LRRK2: variants seen among roughly 807,000 people sequenced by gnomAD.
The protein encoded by LRRK2 is leucine-rich repeat serine/threonine-protein kinase 2.
A neutral mutation model predicts 302.6 loss-of-function variants in LRRK2; 203 were observed. The observed-to-expected ratio is 0.67, with a 90% CI of 0.60 to 0.75. The LOEUF (loss-of-function observed/expected upper bound fraction) is 0.75, where lower values mean the gene tolerates loss of function less well. LRRK2 is among the 30% of genes least tolerant of loss of function. The pLI, the probability that LRRK2 is intolerant of heterozygous loss-of-function variation, is 0.00. For missense variants in LRRK2, 2,830 were observed against 2,951.0 expected, an observed-to-expected ratio of 0.96 and a Z score of 0.95; for synonymous variants, 1,066 against 1,031.9, an observed-to-expected ratio of 1.03 and a Z score of -0.63.
chr12:40,235,104 A>C lies in LRRK2; in HGVS notation c.348-522A>C, dbSNP rs572713956. ...ATGATTTGACATGTGTACATTGTGAATTATTCACCACAATCAAGCTAATTA... is the reference window on the plus strand; with the variant it reads ...ATGATTTGACATGTGTACATTGTGACTTATTCACCACAATCAAGCTAATTA... On this transcript the variant is annotated intron_variant, in intron 3 of 50. Coordinates refer to ENST00000298910, the MANE Select transcript of LRRK2 (RefSeq NM_198578.4). Among the ~76,000 whole-genome samples, 3 of 152,266 alleles carry C rather than the reference A, an allele frequency of 2.0e-5. No homozygotes were observed. The South Asian group carries it at 6.2e-4, about 32-fold the overall frequency.
intron 16 of LRRK2, among the ~76,000 whole-genome samples, chr12:40,276,246 G>A (rs941905276): frequency 6.6e-6 from 1 of 152,144 alleles, no homozygotes; most frequent in Non-Finnish European, 1.5e-5. Context: ...CTATAGTAGA[G>A]TTTATGAACT....
chr12:40,366,734 TATAA>T (rs1461493720), intron 49 of LRRK2: 1 of 387,458 alleles, frequency 2.6e-6, no homozygotes, highest in Non-Finnish European at 4.8e-6. Context: ...AAGGGTAATG[TATAA>T]ATACTGAGCC....
intron 7 of LRRK2, among the ~76,000 whole-genome samples, chr12:40,244,459 TA>T (rs1941882291): frequency 6.6e-6 from 1 of 152,132 alleles, no homozygotes; most frequent in Non-Finnish European, 1.5e-5. Context: ...CTATCTGTGT[TA>T]AAACAGATAA....
intron 39 of LRRK2, among the ~76,000 whole-genome samples, chr12:40,333,812 G>A (rs944775393): frequency 6.6e-6 from 1 of 152,088 alleles, no homozygotes; most frequent in African/African-American, 2.4e-5. Flanking sequence ...TGTGAAGGGT[G>A]GAGGGATTTC....
chr12:40,265,017 GA>G (rs1461359552), intron 14 of LRRK2, among the ~76,000 whole-genome samples: 3 of 152,226 alleles, frequency 2.0e-5, no homozygotes, highest in East Asian at 3.9e-4. Context: ...ATACTTTGAT[GA>G]ATGTCATAAA....
intron 46 of LRRK2, among the ~76,000 whole-genome samples, chr12:40,357,234 C>A (rs1946568662): frequency 6.6e-6 from 1 of 152,176 alleles, no homozygotes. Flanking sequence ...ATAATGACCT[C>A]CAGTTCCATC....
At chr12:40,269,537 T>C (rs1011624668) in intron 14 of LRRK2, among the ~76,000 whole-genome samples, 4 of 152,176 alleles carry the variant, frequency 2.6e-5, no homozygotes, top group Admixed American at 6.5e-5. Context: ...ATATGTAGCA[T>C]GAGCAATAAT....
intron 41 of LRRK2, among the ~76,000 whole-genome samples, chr12:40,342,979 G>A (rs1161659305): frequency 6.6e-6 from 1 of 152,014 alleles, no homozygotes; most frequent in Non-Finnish European, 1.5e-5. Flanking sequence ...TGACATATGT[G>A]CTATTATTAT....
chr12:40,236,870 C>T (rs972410351), intron 4 of LRRK2, among the ~76,000 whole-genome samples: 1 of 150,954 alleles, frequency 6.6e-6, no homozygotes, highest in Non-Finnish European at 1.5e-5. Flanking sequence ...TTTTTTTTGA[C>T]GGAGATTCAT....
chr12:40,240,222 G>A (rs1465868114), intron 5 of LRRK2, among the ~76,000 whole-genome samples: 1 of 152,092 alleles, frequency 6.6e-6, no homozygotes, highest in Admixed American at 6.5e-5. Flanking sequence ...GTTTTTCTGA[G>A]AACTGCTTGC....
At chr12:40,285,571 G>T (rs1194482369) in intron 19 of LRRK2, among the ~76,000 whole-genome samples, 1 of 151,862 alleles carries the variant, frequency 6.6e-6, no homozygotes, top group Non-Finnish European at 1.5e-5. Flanking sequence ...ACCTCACAAT[G>T]TACTGTTAGG....
At chr12:40,355,138 A>G (rs763552621) in intron 45 of LRRK2, among the ~76,000 whole-genome samples, 10 of 152,220 alleles carry the variant, frequency 6.6e-5, no homozygotes, top group Non-Finnish European at 1.0e-4. Context: ...ATTGGAAAAA[A>G]AGTACTAGAA....
At chr12:40,245,646 A>T (rs1296799603) in intron 7 of LRRK2, among the ~76,000 whole-genome samples, 1 of 152,124 alleles carries the variant, frequency 6.6e-6, no homozygotes, top group East Asian at 1.9e-4. Flanking sequence ...AGAAGAACTG[A>T]CATCTTTACA....
In LRRK2 at chr12:40,346,673, A is replaced by C. The variant is rs1946198222; in HGVS notation, c.6110-80A>C. ...TCTCTTCCTGACTCTCTTATTTGGC[A>C]TATAGCCTAAGTGTATGCCTCCTTG... On this transcript the variant is annotated intron_variant, in intron 41 of 50. Transcript: ENST00000298910. 4.6e-6 allele frequency: 6 copies of C among 1,311,010 alleles called. 1 individual carries two copies. Among genetic ancestry groups the C allele is most frequent in the South Asian group, 1.2e-5 (1 of 81,304 alleles). 81.2% of individuals were successfully genotyped at this position (1,311,010 alleles called of 1,614,324 possible). A position where few individuals can be genotyped will look rare whatever the true frequency, so the allele number is the denominator to read the frequency against.
intron 12 of LRRK2, among the ~76,000 whole-genome samples, chr12:40,257,598 C>G (rs1239507260): frequency 6.6e-6 from 1 of 152,110 alleles, no homozygotes; most frequent in Admixed American, 6.6e-5. Flanking sequence ...TGAAGGTTTG[C>G]TTTTGAACCT....
At chr12:40,326,004 G>C (rs17444089) in intron 38 of LRRK2, among the ~76,000 whole-genome samples, 13,341 of 152,094 alleles carry the variant, frequency 0.088, 875 homozygotes, top group Middle Eastern at 0.12. Context: ...GTGATTTGAG[G>C]GGTTAGGAAA....
At chr12:40,358,465 G>A (rs555758901) in intron 46 of LRRK2, among the ~76,000 whole-genome samples, 1 of 152,244 alleles carries the variant, frequency 6.6e-6, no homozygotes, top group Admixed American at 6.5e-5. Flanking sequence ...AGCTTTTCCA[G>A]CACAATTTAT....
chr12:40,349,106 G>T (rs78560388), intron 43 of LRRK2, among the ~76,000 whole-genome samples: 5,848 of 152,020 alleles, frequency 0.038, 370 homozygotes, highest in African/African-American at 0.13. Flanking sequence ...ATTTTTATCT[G>T]TATCCCATTC....
intron 33 of LRRK2, among the ~76,000 whole-genome samples, chr12:40,318,900 T>C (rs1296485476): frequency 6.6e-6 from 1 of 152,086 alleles, no homozygotes. Flanking sequence ...TTGCACACTG[T>C]CATTAAATAC....
Sources: allele counts gnomAD v4.1 joint callset (sites outside exome capture counted in the v4.1 genomes callset), GRCh38; gene constraint gnomAD v4.1.1; transcripts MANE v1.5; gene names NCBI Gene and HGNC (gene_info 2026-07-23, HGNC 2026-07-21).